ATXN7: variants seen among roughly 807,000 people sequenced by gnomAD.
ATXN7 encodes the protein ataxin 7, also known as ataxin-7.
Under a neutral mutation model 70.5 loss-of-function variants are expected in ATXN7, and 12 were observed. That is an observed-to-expected ratio of 0.17 (90% CI 0.11 to 0.28). The LOEUF (loss-of-function observed/expected upper bound fraction) is 0.28. Among genes scored for constraint, ATXN7 ranks in the 10% least tolerant of loss-of-function variants. ATXN7 has a pLI of 1.00. For synonymous variants in ATXN7, 498 were observed against 448.7 expected (o/e 1.11, Z -1.39); for missense variants, 1,256 against 1,131.7 (o/e 1.11, Z -1.58).
chr3:63,998,394 AC>A (rs1685577981), intron 12 of ATXN7: 1 of 985,192 alleles, frequency 1.0e-6, no homozygotes, highest in African/African-American at 1.7e-5. Context: ...ATACACACAC[AC>A]TTTTTTTTCT....
At chr3:63,982,139 C>T (rs766992094) in intron 6 of ATXN7, 47 bp from the exon 7 acceptor site, 1 of 1,611,174 alleles carries the variant, frequency 6.2e-7, no homozygotes, top group South Asian at 1.1e-5. Context: ...CACCTGGGGG[C>T]TGCTGAGGCA....
In ATXN7 at chr3:63,863,895, G is replaced by A. The variant is rs1162329864; in HGVS notation, c.-374G>A. On this transcript the variant is annotated 5_prime_UTR_variant, in exon 1 of 13. Coordinates refer to ENST00000674280, the MANE Select transcript of ATXN7 (RefSeq NM_001377405.1). The stretch of plus-strand genomic sequence containing the variant: ...ATGCAGCCGGGTAAACAGCCATGGA[G>A]GAGGAGGCGGCGGCGCCCGCGGCCG... 16 of 1,130,572 alleles carry A rather than the reference G, an allele frequency of 1.4e-5. No homozygotes were observed. Among genetic ancestry groups the A allele is most frequent in the Middle Eastern group, 3.7e-4 (1 of 2,710 alleles). 70.0% of individuals were successfully genotyped at this position (1,130,572 alleles called of 1,614,324 possible).
At chr3:63,904,135 CTCTG>C (rs1226906102) in intron 2 of ATXN7, 2 of 152,178 alleles carry the variant, frequency 1.3e-5, no homozygotes, top group East Asian at 1.9e-4. Context: ...CTAATCTGCT[CTCTG>C]TCTGTATGGA....
chr3:63,921,363 T>C (rs1704504210), intron 4 of ATXN7, among the ~76,000 whole-genome samples: 1 of 152,222 alleles, frequency 6.6e-6, no homozygotes, highest in Non-Finnish European at 1.5e-5. Flanking sequence ...CCAGGCTTTA[T>C]ATTTCAAACA....
At chr3:63,866,707 A>G (rs182435813) in intron 1 of ATXN7, 30 of 152,328 alleles carry the variant, frequency 2.0e-4, no homozygotes, top group African/African-American at 6.7e-4. Context: ...ATCATATCGT[A>G]TATCTCATAT....
chr3:63,982,373 G>A lies in ATXN7; in HGVS notation c.940G>A (p.Ala314Thr), dbSNP rs767743994. Reference protein sequence around the residue: ...GQILNGKGLPAPPTLEKKPED... With the variant: ...GQILNGKGLPTPPTLEKKPED... ...GATTCTGAATGGCAAAGGGCTTCCT[G>A]CACCGCCCACTCTGGAAAAGAAACC... is the stretch of plus-strand genomic sequence containing the variant. Residue 314 changes from alanine to threonine, a missense_variant, in exon 7 of 13, where the codon GCA becomes ACA. Coordinates refer to ENST00000674280, the MANE Select transcript of ATXN7 (RefSeq NM_001377405.1). The A allele has an allele frequency of 6.2e-7, 1 of 1,613,938 alleles. No homozygotes were observed. The highest frequency in any genetic ancestry group is 1.7e-5 in the Admixed American group (1 of 60,002).
chr3:63,873,894 A>G (rs1357323059), intron 1 of ATXN7: 2 of 151,694 alleles, frequency 1.3e-5, no homozygotes, highest in Admixed American at 6.6e-5. Context: ...TCTTTTTTGT[A>G]GAGACTGTGT....
intron 2 of ATXN7, chr3:63,911,664 C>G (rs1160527411): frequency 2.6e-5 from 4 of 152,246 alleles, no homozygotes; most frequent in African/African-American, 9.7e-5. Flanking sequence ...CTCATGTTCT[C>G]TCTTTGCTGG....
chr3:63,894,522 A>G (rs563325827), intron 1 of ATXN7, among the ~76,000 whole-genome samples: 1 of 152,162 alleles, frequency 6.6e-6, no homozygotes, highest in South Asian at 2.1e-4. Context: ...CACATTCTCA[A>G]TGTGTTTTGT....
At chr3:63,996,700 G>A (rs1415253026) in intron 12 of ATXN7, 6 of 594,794 alleles carry the variant, frequency 1.0e-5, no homozygotes, top group African/African-American at 7.4e-5. Flanking sequence ...GGTGCCTTTG[G>A]AAGATGTTCT....
At chr3:63,933,873 G>A (rs1037155094) in intron 4 of ATXN7, among the ~76,000 whole-genome samples, 3 of 151,760 alleles carry the variant, frequency 2.0e-5, no homozygotes, top group Non-Finnish European at 2.9e-5. Context: ...CATAACTGTC[G>A]TTACCTATTG....
At chr3:63,904,154 C>G (rs569417521) in intron 2 of ATXN7, 155 of 152,286 alleles carry the variant, frequency 1.0e-3, no homozygotes, top group African/African-American at 3.6e-3. Context: ...TATGGATTTG[C>G]CTATTCTGGC....
intron 4 of ATXN7, among the ~76,000 whole-genome samples, chr3:63,920,432 C>G (rs149160228): frequency 1.3e-4 from 20 of 152,260 alleles, no homozygotes; most frequent in African/African-American, 3.4e-4. Context: ...CCCTGTAACC[C>G]AGATCTGTCT....
intron 4 of ATXN7, among the ~76,000 whole-genome samples, chr3:63,926,091 A>G (rs1285845107): frequency 1.3e-5 from 2 of 152,220 alleles, no homozygotes; most frequent in African/African-American, 2.4e-5. Context: ...TATACAATCA[A>G]ATGAATCAAA....
chr3:63,943,272 G>A (rs1053148036), intron 4 of ATXN7, among the ~76,000 whole-genome samples: 6 of 152,206 alleles, frequency 3.9e-5, no homozygotes, highest in South Asian at 2.1e-4. Flanking sequence ...CGGAGAGTTC[G>A]AAGAGAGCAG....
intron 5 of ATXN7, among the ~76,000 whole-genome samples, chr3:63,963,158 C>T (rs1469660403): frequency 1.3e-5 from 2 of 151,930 alleles, no homozygotes. Flanking sequence ...TGAAGCAATC[C>T]ACCTGCCTCT....
chr3:63,873,061 TC>T (rs1466268659), intron 1 of ATXN7, among the ~76,000 whole-genome samples: 1 of 152,148 alleles, frequency 6.6e-6, no homozygotes, highest in Non-Finnish European at 1.5e-5. Context: ...AATCTCAAAA[TC>T]CATTATCTTA....
intron 5 of ATXN7, among the ~76,000 whole-genome samples, chr3:63,972,702 T>G (rs1349622407): frequency 6.6e-6 from 1 of 152,166 alleles, no homozygotes; most frequent in Non-Finnish European, 1.5e-5. Flanking sequence ...TGGTGTGAAT[T>G]TGCTGATTTT....
At chr3:63,998,392 ACACT>A (rs1340023957) in intron 12 of ATXN7, 3 of 985,120 alleles carry the variant, frequency 3.0e-6, no homozygotes, top group Non-Finnish European at 3.6e-6. Context: ...GTATACACAC[ACACT>A]TTTTTTTCTC....
Sources: allele counts gnomAD v4.1 joint callset (sites outside exome capture counted in the v4.1 genomes callset), GRCh38; gene constraint gnomAD v4.1.1; transcripts MANE v1.5; gene names NCBI Gene and HGNC (gene_info 2026-07-23, HGNC 2026-07-21).